The following ACCSL variants were observed in gnomAD, a reference collection of about 807,000 sequenced individuals.
The protein encoded by ACCSL is 1-aminocyclopropane-1-carboxylate synthase homolog (inactive) like.
A neutral mutation model predicts 61.7 loss-of-function variants in ACCSL; 55 were observed. The observed-to-expected ratio is 0.89, with a 90% CI of 0.72 to 1.12. The LOEUF (loss-of-function observed/expected upper bound fraction) is 1.12. Ranked by LOEUF, ACCSL falls within the 50% of genes most tolerant of loss-of-function variation. ACCSL has a pLI of 0.00. For missense variants in ACCSL, 632 were observed against 698.0 expected, an observed-to-expected ratio of 0.91 and a Z score of 1.07; for synonymous variants, 258 against 264.3, an observed-to-expected ratio of 0.98 and a Z score of 0.23.
chr11:44,031,575 G>A, the ACCSL span, among the ~76,000 whole-genome samples: 1 of 152,166 alleles, frequency 6.6e-6, no homozygotes, highest in Non-Finnish European at 1.5e-5. Flanking sequence ...ATGAAAGAGA[G>A]GGAGCAGGAG....
the ACCSL span, among the ~76,000 whole-genome samples, chr11:44,026,052 C>G: frequency 6.6e-6 from 1 of 152,110 alleles, no homozygotes; most frequent in African/African-American, 2.4e-5. Flanking sequence ...ACTTGTTGAG[C>G]TTCTTGGGTG....
chr11:43,978,717 A>G, the ACCSL span, among the ~76,000 whole-genome samples: 1 of 149,810 alleles, frequency 6.7e-6, no homozygotes. Context: ...TTGATGGAAC[A>G]TCTCATCTGC....
At chr11:43,962,199 C>T in the ACCSL span, among the ~76,000 whole-genome samples, 140 of 152,234 alleles carry the variant, frequency 9.2e-4, no homozygotes, top group Non-Finnish European at 1.6e-3. Flanking sequence ...ATAATGGAAA[C>T]CTAGTTGTCA....
the ACCSL span, among the ~76,000 whole-genome samples, chr11:43,949,828 AAACAACAACAACAAC>A: frequency 1.3e-5 from 2 of 150,556 alleles, no homozygotes; most frequent in Admixed American, 6.6e-5. Flanking sequence ...AAAAACAAAC[AAACAACAACAACAAC>A]AACAACAACA....
rs1156754293 is a variant in ACCSL, at chr11:44,048,165, C to G, written c.129C>G (p.His43Gln). 1.9e-6 allele frequency: 3 copies of G among 1,614,204 alleles called. No homozygotes were observed. ...ACTTGCAGCAGGCCATGACGGAGCACTTCGTGCAGCTGACGAGCAGACAGG... is the reference window on the plus strand; with the variant it reads ...ACTTGCAGCAGGCCATGACGGAGCAGTTCGTGCAGCTGACGAGCAGACAGG... ...TLHLQQAMTE[H>Q]FVQLTSRQGL... Residue 43 changes from histidine (H) to glutamine (Q), a missense_variant, in exon 1 of 14, where the codon CAC becomes CAG. Physicochemically the swap from His to Gln is conservative, Grantham distance 24 (BLOSUM62 0). Coordinates refer to ENST00000378832, the MANE Select transcript of ACCSL (RefSeq NM_001031854.2).
At chr11:44,040,469 G>A in the ACCSL span, among the ~76,000 whole-genome samples, 1 of 152,116 alleles carries the variant, frequency 6.6e-6, no homozygotes, top group Non-Finnish European at 1.5e-5. Context: ...AGGTAATAGG[G>A]AATTCCTGGG....
At chr11:44,051,129 C>T (rs1794720092) in intron 3 of ACCSL, among the ~76,000 whole-genome samples, 1 of 152,242 alleles carries the variant, frequency 6.6e-6, no homozygotes, top group African/African-American at 2.4e-5. Flanking sequence ...GCATGAGCCA[C>T]TGTGCCCGGC....
intron 1 of ACCSL, 101 bp downstream of exon 1, chr11:44,048,641 T>G: frequency 4.4e-6 from 5 of 1,147,396 alleles, no homozygotes; most frequent in Non-Finnish European, 4.9e-6. Flanking sequence ...TCATTCTTTA[T>G]AGCCTTATGA....
the ACCSL span, among the ~76,000 whole-genome samples, chr11:43,950,626 T>C: frequency 6.6e-6 from 1 of 152,204 alleles, no homozygotes; most frequent in Non-Finnish European, 1.5e-5. Context: ...ACCGGTATTC[T>C]CTTTCTCCTT....
chr11:43,959,571 C>T, the ACCSL span, among the ~76,000 whole-genome samples: 1 of 152,220 alleles, frequency 6.6e-6, no homozygotes, highest in Non-Finnish European at 1.5e-5. Flanking sequence ...GCAAGAGACA[C>T]AGGAAGAGTC....
chr11:43,993,117 G>A, the ACCSL span, among the ~76,000 whole-genome samples: 8,380 of 152,226 alleles, frequency 0.055, 651 homozygotes, highest in African/African-American at 0.18. Flanking sequence ...GGGCAGACCC[G>A]CAGACCTCAG....
chr11:44,025,755 C>CAA, the ACCSL span, among the ~76,000 whole-genome samples: 5 of 151,688 alleles, frequency 3.3e-5, no homozygotes, highest in African/African-American at 7.3e-5. Context: ...CTCTCAGTTA[C>CAA]AAAAAAAATC....
chr11:44,043,217 C>T (rs1952584238), upstream of ACCSL, among the ~76,000 whole-genome samples: 1 of 152,126 alleles, frequency 6.6e-6, no homozygotes, highest in Non-Finnish European at 1.5e-5. Context: ...CACCATCTAC[C>T]TACCACTCCA....
chr11:43,956,654 T>C, the ACCSL span, among the ~76,000 whole-genome samples: 2 of 152,170 alleles, frequency 1.3e-5, no homozygotes, highest in Non-Finnish European at 2.9e-5. Context: ...CTCCTGACCT[T>C]GTGATCTGCC....
chr11:43,925,488 T>G, the ACCSL span: 26 of 455,508 alleles, frequency 5.7e-5, no homozygotes, highest in African/African-American at 3.2e-4. Flanking sequence ...GTCGTCCTCC[T>G]GAATCTAGTG....
chr11:43,975,327 A>G, the ACCSL span, among the ~76,000 whole-genome samples: 2,336 of 152,354 alleles, frequency 0.015, 23 homozygotes, highest in Middle Eastern at 0.048. Context: ...TAAGAAATAC[A>G]TTTGAGCAAA....
the ACCSL span, among the ~76,000 whole-genome samples, chr11:43,952,131 G>A: frequency 6.6e-6 from 1 of 150,972 alleles, no homozygotes; most frequent in Non-Finnish European, 1.5e-5. Flanking sequence ...TGGGTAAATT[G>A]CGTGTCTCAG....
upstream of ACCSL, among the ~76,000 whole-genome samples, chr11:44,043,907 C>A (rs1952586709): frequency 6.6e-6 from 1 of 152,044 alleles, no homozygotes; most frequent in African/African-American, 2.4e-5. Flanking sequence ...TGGATTTTAT[C>A]TCCTTCAACA....
At chr11:43,954,405 G>A in the ACCSL span, among the ~76,000 whole-genome samples, 1 of 152,078 alleles carries the variant, frequency 6.6e-6, no homozygotes, top group Admixed American at 6.5e-5. Flanking sequence ...CAAAATGGGG[G>A]CGGGGTTATA....
Sources: allele counts gnomAD v4.1 joint callset (sites outside exome capture counted in the v4.1 genomes callset), GRCh38; gene constraint gnomAD v4.1.1; transcripts MANE v1.5; gene names NCBI Gene and HGNC (gene_info 2026-07-23, HGNC 2026-07-21).